Variants in COL5A3 observed in about 807,000 individuals in gnomAD.
COL5A3 encodes collagen type V alpha 3 chain, also known as collagen alpha-3(V) chain.
A neutral mutation model predicts 250.0 loss-of-function variants in COL5A3; 172 were observed. The ratio of observed to expected loss-of-function variants is 0.69; its 90% CI spans 0.61 to 0.78. COL5A3 has a LOEUF of 0.78. Ranked by LOEUF, COL5A3 falls within the 30% of genes least tolerant of loss-of-function variation. The probability of loss-of-function intolerance (pLI) is 0.00; values close to 1 mark genes in which losing one functional copy is unlikely to be tolerated. For missense variants in COL5A3, 2,340 were observed against 2,334.4 expected (o/e 1.00, Z -0.05); for synonymous variants, 937 against 900.4 (o/e 1.04, Z -0.73).
Position 9,969,915 on chromosome 19 carries a change from G to A in COL5A3, c.3944C>T (p.Ser1315Leu). 6.2e-7 allele frequency: 1 copy of A among 1,604,154 alleles called. No individual in the cohort carries two copies. The highest frequency in any genetic ancestry group is 8.5e-7 in the Non-Finnish European group (1 of 1,177,200). ...TCTGCCTTCTCGACCCATGTGGCCT[G>A]AAGGACCCTTGGAAGGGAAAGACAG... ...APGPPGKRGP[S>L]GHMGREGREG... The change falls in exon 55 of 67, where the codon TCA (serine) becomes TTA (leucine). Residue 1315 changes from serine (S) to leucine (L), a missense_variant. By Grantham distance (145) the Ser-to-Leu change is moderately radical. Around this residue, in one of 3 missense-constraint regions of COL5A3, gnomAD observed 1,179 missense variants for 1,162.6 expected, o/e 1.01. Coordinates refer to ENST00000264828, the MANE Select transcript of COL5A3 (RefSeq NM_015719.4).
At chr19:9,979,719 A>T in intron 37 of COL5A3, 120 bp downstream of exon 37, 1 of 976,166 alleles carries the variant, frequency 1.0e-6, no homozygotes, top group Non-Finnish European at 1.5e-6. Context: ...CTGGGAGGCA[A>T]AGGTTGCAGT....
Position 9,960,701 on chromosome 19 carries a change from A to G in COL5A3, c.5041T>C (p.Phe1681Leu). The G allele has an allele frequency of 6.2e-7, 1 of 1,613,964 alleles. No homozygotes were observed. The highest frequency in any genetic ancestry group is 8.5e-7 in the Non-Finnish European group (1 of 1,179,998). ...ACAGTGGCTGCTGTCGTCTGGTTGA[A>G]AGACAGCTCCTCTCCATTGGTGCCA... is the stretch of plus-strand genomic sequence containing the variant. ...FLGTNGEELS[F>L]NQTTAATVSV... The change falls in exon 66 of 67, where the codon TTC becomes CTC. Residue 1681 changes from phenylalanine to leucine, a missense_variant. This residue lies in a region of COL5A3 where 1,179 missense variants were observed against 1,162.6 expected (regional missense o/e 1.01). Transcript: ENST00000264828.
At chr19:9,998,949 G>T (rs2087311643) in intron 8 of COL5A3, among the ~76,000 whole-genome samples, 1 of 152,100 alleles carries the variant, frequency 6.6e-6, no homozygotes, top group Non-Finnish European at 1.5e-5. Flanking sequence ...CTCCCAAAGT[G>T]CTGGGATTAC....
chr19:10,006,585 G>T (rs1391316297), intron 1 of COL5A3, among the ~76,000 whole-genome samples: 5 of 152,112 alleles, frequency 3.3e-5, no homozygotes, highest in Non-Finnish European at 7.4e-5. Context: ...GGCTCCCTAG[G>T]GCTATATCCC....
chr19:9,992,242 G>A (rs1057419654), intron 21 of COL5A3, among the ~76,000 whole-genome samples, 194 bp from the exon 22 acceptor site: 6 of 151,956 alleles, frequency 3.9e-5, no homozygotes, highest in Non-Finnish European at 8.8e-5. Flanking sequence ...GGCCAACATT[G>A]TGAAACCCCG....
intron 1 of COL5A3, among the ~76,000 whole-genome samples, chr19:10,008,474 C>T (rs952463385): frequency 6.6e-6 from 1 of 152,074 alleles, no homozygotes; most frequent in African/African-American, 2.4e-5. Flanking sequence ...CCCAGCCTGC[C>T]CCCTGCCACT....
chr19:9,969,799 C>G (rs564969003), intron 55 of COL5A3, 70 bp downstream of exon 55: 120 of 1,594,186 alleles, frequency 7.5e-5, no homozygotes, highest in Middle Eastern at 1.7e-4. Context: ...CATAGGTCCA[C>G]CCTCTCCTGA....
rs2145123920 is a variant in COL5A3, at chr19:9,993,627, C to T, written c.1687G>A (p.Gly563Ser). ...GGACCTCACACACTCACCCTTTGGCCCTTCTCACCAGGCAGCCCAGGGAGG... is the reference window on the plus strand; with the variant it reads ...GGACCTCACACACTCACCCTTTGGCTCTTCTCACCAGGCAGCCCAGGGAGG... ...DGLPGLPGEKGQRGDFGHVGQ... is the reference protein window; with the variant it reads ...DGLPGLPGEKSQRGDFGHVGQ... The change falls in exon 18 of 67, where the codon GGC (glycine) becomes AGC (serine). Residue 563 changes from glycine to serine, a missense_variant. Gly to Ser is a moderately conservative substitution (Grantham distance 56). Coordinates refer to ENST00000264828, the MANE Select transcript of COL5A3 (RefSeq NM_015719.4). 2 of 1,614,064 alleles carry T rather than the reference C, an allele frequency of 1.2e-6. No homozygotes were observed. Among genetic ancestry groups the T allele is most frequent in the Non-Finnish European group, 1.7e-6 (2 of 1,180,010 alleles).
Position 9,968,891 on chromosome 19 carries a change from G to T in COL5A3, c.4153-163C>A. Reference sequence around the variant, plus strand: ...GAGTAGGCCACCAAGGTGGGATGATGAGAGCTAATGAGGGGTTGACTGGAG... The same window carrying T: ...GAGTAGGCCACCAAGGTGGGATGATTAGAGCTAATGAGGGGTTGACTGGAG... On this transcript the variant is annotated intron_variant, in intron 57 of 66. Transcript: ENST00000264828. This position sits in a 1 kb window ranked among gnomAD's most constrained non-coding sequence, Gnocchi z 4.1. The T allele has an allele frequency of 1.5e-6, 1 of 681,150 alleles. No individual in the cohort carries two copies. The highest frequency in any genetic ancestry group is 2.6e-6 in the Non-Finnish European group (1 of 391,334). 42.2% of individuals were successfully genotyped at this position (681,150 alleles called of 1,614,324 possible). A position where few individuals can be genotyped will look rare whatever the true frequency, so the allele number is the denominator to read the frequency against.
intron 10 of COL5A3, among the ~76,000 whole-genome samples, chr19:9,997,730 T>C (rs1285321397): frequency 1.3e-5 from 2 of 152,114 alleles, no homozygotes; most frequent in African/African-American, 2.4e-5. Context: ...GCCTCCCAAG[T>C]AGTTGGGACT....
intron 1 of COL5A3, among the ~76,000 whole-genome samples, chr19:10,006,924 A>T (rs1022488011): frequency 7.2e-6 from 1 of 139,836 alleles, no homozygotes; most frequent in Non-Finnish European, 1.6e-5. Flanking sequence ...TCTGACTTTC[A>T]CCTCTAACCT....
Position 9,996,607 on chromosome 19 carries a change from C to A in COL5A3, c.1338+8G>T, listed in dbSNP as rs564172397. On this transcript the variant is annotated splice_region_variant and intron_variant, in intron 12 of 66. Coordinates refer to ENST00000264828, the MANE Select transcript of COL5A3 (RefSeq NM_015719.4). ...CCCCAAGGCTGGGCCACTCCATCTCCTTCTTACCGGCATCATGATCACAGT... is the reference window on the plus strand; with the variant it reads ...CCCCAAGGCTGGGCCACTCCATCTCATTCTTACCGGCATCATGATCACAGT... The A allele has an allele frequency of 1.9e-6, 3 of 1,613,974 alleles. No individual in the cohort carries two copies. The highest frequency in any genetic ancestry group is 2.2e-5 in the East Asian group (1 of 44,872).
chr19:9,991,376 G>A (rs748797901), intron 24 of COL5A3, among the ~76,000 whole-genome samples: 4 of 152,196 alleles, frequency 2.6e-5, no homozygotes, highest in Middle Eastern at 3.2e-3. Context: ...GGCTTCTGTG[G>A]GCTCTCTGTA....
rs1481177203 is a variant in COL5A3 at position 9,998,063 on chromosome 19, A to T, written c.1159-38T>A. ...GTGAGTGTCGGTGACCGCTGTCATC[A>T]TGAAGCCTCTCAACCCCCTCACAAT... On this transcript the variant is annotated intron_variant, in intron 9 of 66. Coordinates refer to ENST00000264828, the MANE Select transcript of COL5A3 (RefSeq NM_015719.4). 2 of 1,614,026 alleles carry T rather than the reference A, an allele frequency of 1.2e-6. 1 individual carries two copies. Among genetic ancestry groups the T allele is most frequent in the South Asian group, 2.2e-5 (2 of 91,060 alleles).
chr19:9,979,722 G>A (rs1031814280), intron 37 of COL5A3, 117 bp downstream of exon 37: 2 of 995,316 alleles, frequency 2.0e-6, no homozygotes, highest in South Asian at 3.1e-5. Flanking sequence ...GGAGGCAAAG[G>A]TTGCAGTGAG....
At chr19:9,986,277 C>T in intron 30 of COL5A3, 38 bp downstream of exon 30, 1 of 1,369,286 alleles carries the variant, frequency 7.3e-7, no homozygotes, top group Non-Finnish European at 9.9e-7. Context: ...TTGGGGACAC[C>T]TTGACTGTGG....
In COL5A3 at chr19:9,989,342, T is replaced by C. The variant is rs747389090; in HGVS notation, c.2071A>G (p.Thr691Ala). 2.5e-6 allele frequency: 4 copies of C among 1,614,200 alleles called. No individual in the cohort carries two copies. Among genetic ancestry groups the C allele is most frequent in the Admixed American group, 1.7e-5 (1 of 60,020 alleles). ...CTCACCTGAGCCCCTTTCTCTCCCG[T>C]GGGGCCCTCATGTCCTGGGTGACCC... The part of the protein sequence containing the change: ...PLGHPGHEGP[T>A]GEKGAQGPPG... The change falls in exon 26 of 67, where the codon ACG becomes GCG. Residue 691 changes from threonine (T) to alanine (A), a missense_variant. This residue lies in a region of COL5A3 where 1,152 missense variants were observed against 1,146.3 expected (regional missense o/e 1.00). Transcript: ENST00000264828.
Position 10,004,105 on chromosome 19 carries a change from G to A in COL5A3, c.635C>T (p.Ala212Val). Residue 212 changes from alanine (A) to valine (V), a missense_variant, in exon 5 of 67, where the codon GCT becomes GTT. Physicochemically the swap from Ala to Val is moderately conservative, Grantham distance 64 (BLOSUM62 0). Transcript: ENST00000264828. ...QELLISPDPQ[A>V]AFQACERYLP... is the part of the protein sequence containing the mutation. ...GTACCGCTCACAAGCCTGGAAGGCA[G>A]CCTGAGGATCTGGGCTTATCAGCAG... 1 of 1,614,086 alleles carries A rather than the reference G, an allele frequency of 6.2e-7. No individual in the cohort carries two copies.
At chr19:9,966,789 GGAGGGAGAGA>G (rs1568403858) in intron 62 of COL5A3, 43 bp from the exon 63 acceptor site, 1 of 1,441,630 alleles carries the variant, frequency 6.9e-7, no homozygotes, top group Non-Finnish European at 9.4e-7. Context: ...GGGAGATGGG[GGAGGGAGAGA>G]GAGGGAGAAA....
Sources: gnomAD v4.1 joint callset for allele counts (sites outside exome capture counted in the v4.1 genomes callset) on GRCh38, gnomAD v4.1.1 for gene constraint, gnomAD v4.1.1 regional missense constraint, Gnocchi (gnomAD v3.1) non-coding constraint, MANE v1.5 for transcripts, NCBI Gene and HGNC (gene_info 2026-07-23, HGNC 2026-07-21) for gene names.